The following PAPSS2 variants were observed in gnomAD, a reference collection of about 807,000 sequenced individuals.
The protein encoded by PAPSS2 is 3'-phosphoadenosine 5'-phosphosulfate synthase 2.
PAPSS2 carries 61 observed loss-of-function variants against 66.5 expected under a neutral mutation model. The observed-to-expected ratio is 0.92, with a 90% CI of 0.75 to 1.14. The LOEUF is 1.14. Ranked by LOEUF, PAPSS2 falls within the 50% of genes most tolerant of loss-of-function variation. The pLI is 0.00. For synonymous variants in PAPSS2, 289 were observed against 287.5 expected (o/e 1.01, Z -0.05); for missense variants, 708 against 789.6 (o/e 0.90, Z 1.24).
intron 7 of PAPSS2, among the ~76,000 whole-genome samples, chr10:87,721,477 G>A (rs893188132): frequency 6.6e-6 from 1 of 152,156 alleles, no homozygotes; most frequent in African/African-American, 2.4e-5. Flanking sequence ...TCTCTTCCCA[G>A]TGGATGGAAA....
chr10:87,734,189 CAGT>C (rs1351125050), intron 9 of PAPSS2, among the ~76,000 whole-genome samples: 1 of 152,162 alleles, frequency 6.6e-6, no homozygotes, highest in Non-Finnish European at 1.5e-5. Flanking sequence ...CTCCCTCGTC[CAGT>C]CCTTCCAGAG....
At chr10:87,721,391 CAT>C (rs1161227649) in intron 7 of PAPSS2, among the ~76,000 whole-genome samples, 1 of 152,094 alleles carries the variant, frequency 6.6e-6, no homozygotes, top group Non-Finnish European at 1.5e-5. Context: ...TGTGAGATCA[CAT>C]GTTTGCAAGA....
chr10:87,725,889 A>G (rs1399182565), intron 8 of PAPSS2, among the ~76,000 whole-genome samples: 15 of 149,744 alleles, frequency 1.0e-4, no homozygotes, highest in Non-Finnish European at 5.9e-5. Flanking sequence ...GTGTATACAC[A>G]CACACACACA....
At chr10:87,745,441 TTC>T (rs1388241635) in intron 12 of PAPSS2, among the ~76,000 whole-genome samples, 1 of 152,186 alleles carries the variant, frequency 6.6e-6, no homozygotes, top group Non-Finnish European at 1.5e-5. Flanking sequence ...CCATAAATAT[TTC>T]TCTTTCAACA....
At chr10:87,730,274 C>T (rs1319306584) in intron 9 of PAPSS2, among the ~76,000 whole-genome samples, 2 of 152,040 alleles carry the variant, frequency 1.3e-5, no homozygotes, top group East Asian at 1.9e-4. Flanking sequence ...TACTCCTTAC[C>T]CCGATGGGGT....
At chr10:87,699,730 ATC>A (rs1362175218) in intron 1 of PAPSS2, among the ~76,000 whole-genome samples, 1 of 151,714 alleles carries the variant, frequency 6.6e-6, no homozygotes, top group African/African-American at 2.4e-5. Context: ...TGCGCCTGTA[ATC>A]CCAGATACTC....
At chr10:87,744,101 CAA>C (rs60248954) in intron 11 of PAPSS2, among the ~76,000 whole-genome samples, 1 of 141,418 alleles carries the variant, frequency 7.1e-6, no homozygotes, top group Non-Finnish European at 1.6e-5. Flanking sequence ...GACTTCGTCT[CAA>C]AAAAAAAAAG....
chr10:87,739,963 A>C (rs1489834998), intron 9 of PAPSS2, among the ~76,000 whole-genome samples: 2 of 152,206 alleles, frequency 1.3e-5, no homozygotes, highest in Non-Finnish European at 2.9e-5. Context: ...ACCAATGTAC[A>C]ATGGTTGTCT....
At chr10:87,730,261 G>C (rs1853712743) in intron 9 of PAPSS2, among the ~76,000 whole-genome samples, 1 of 152,162 alleles carries the variant, frequency 6.6e-6, no homozygotes, top group Admixed American at 6.5e-5. Flanking sequence ...ATCACAGAGT[G>C]ATTACTCCTT....
intron 8 of PAPSS2, among the ~76,000 whole-genome samples, chr10:87,726,694 A>G (rs1439155800): frequency 6.6e-6 from 1 of 152,234 alleles, no homozygotes; most frequent in Admixed American, 6.5e-5. Flanking sequence ...AGTATTAAAA[A>G]AGACAAACAC....
chr10:87,714,068 C>T lies in PAPSS2; in HGVS notation c.406C>T (p.His136Tyr), dbSNP rs754074798. 9 of 1,613,892 alleles carry T rather than the reference C, an allele frequency of 5.6e-6. No individual in the cohort carries two copies. Among genetic ancestry groups the T allele is most frequent in the Admixed American group, 1.7e-5 (1 of 60,008 alleles). ...GGATCGTGAGAATGCCCGCAAAATA[C>T]ATGAATCAGCAGGGCTGCCATTCTT... ...AKDRENARKI[H>Y]ESAGLPFFEI... The change falls in exon 4 of 13, where the codon CAT becomes TAT. Residue 136 changes from histidine to tyrosine, a missense_variant. By Grantham distance (83) the His-to-Tyr change is moderately conservative (BLOSUM62 2). Coordinates refer to ENST00000456849, the MANE Select transcript of PAPSS2 (RefSeq NM_001015880.2).
chr10:87,713,106 T>G lies in PAPSS2; in HGVS notation c.177T>G (p.Ser59Arg). 1 of 1,612,876 alleles carries G rather than the reference T, an allele frequency of 6.2e-7. No individual in the cohort carries two copies. Among genetic ancestry groups the G allele is most frequent in the Non-Finnish European group, 8.5e-7 (1 of 1,179,288 alleles). Residue 59 changes from serine to arginine, a missense_variant, in exon 3 of 13, where the codon AGT (serine) becomes AGG (arginine). Ser to Arg is a moderately radical substitution (Grantham distance 110). Coordinates refer to ENST00000456849, the MANE Select transcript of PAPSS2 (RefSeq NM_001015880.2). Reference protein sequence around the residue: ...GLSGAGKTTISFALEEYLVSH... With the variant: ...GLSGAGKTTIRFALEEYLVSH... ...CTGGTGCTGGAAAAACAACGATAAGTTTTGCCCTGGAGGAGTACCTTGTCT... is the reference window on the plus strand; with the variant it reads ...CTGGTGCTGGAAAAACAACGATAAGGTTTGCCCTGGAGGAGTACCTTGTCT...
chr10:87,713,409 A>G (rs750922486), intron 3 of PAPSS2, 99 bp downstream of exon 3: 1 of 709,542 alleles, frequency 1.4e-6, no homozygotes, highest in Non-Finnish European at 2.4e-6. Context: ...GAGGGAGGGC[A>G]TAAGAATGTC....
rs149735994 is a variant in PAPSS2, at chr10:87,713,137, G to C, written c.208G>C (p.Ala70Pro). 9.9e-6 allele frequency: 16 copies of C among 1,613,086 alleles called. No individual in the cohort carries two copies. The highest frequency in any genetic ancestry group is 1.4e-5 in the Non-Finnish European group (16 of 1,179,734). Residue 70 changes from alanine to proline, a missense_variant, in exon 3 of 13, where the codon GCC (alanine) becomes CCC (proline). Coordinates refer to ENST00000456849, the MANE Select transcript of PAPSS2 (RefSeq NM_001015880.2). ...FALEEYLVSHAIPCYSLDGDN... is the reference protein window; with the variant it reads ...FALEEYLVSHPIPCYSLDGDN... ...CCTGGAGGAGTACCTTGTCTCCCAT[G>C]CCATCCCTTGTTACTCCCTGGATGG...
At chr10:87,715,621 A>G in intron 6 of PAPSS2, 111 bp from the exon 7 acceptor site, 2 of 730,376 alleles carry the variant, frequency 2.7e-6, no homozygotes. Flanking sequence ...TAAAACATAG[A>G]AGGTTCTGCC....
rs550622510 is a variant in PAPSS2, at chr10:87,660,267, C to T, written c.27+259C>T. The T allele has an allele frequency of 8.7e-5, 52 of 596,928 alleles. 1 individual carries two copies. Among genetic ancestry groups the T allele is most frequent in the Non-Finnish European group, 1.5e-4 (49 of 335,382 alleles). The allele number at this position is 596,928 out of a possible 1,614,324, so 37.0% of individuals were successfully genotyped here. A position where few individuals can be genotyped will look rare whatever the true frequency, so the allele number is the denominator to read the frequency against. ...GGGTCGCCGCGCCCGCGAGAGACCT[C>T]CCGAGCTTCTCAAGTGGGTCCGGAT... is the stretch of plus-strand genomic sequence containing the variant. On this transcript the variant is annotated intron_variant, in intron 1 of 12. Coordinates refer to ENST00000456849, the MANE Select transcript of PAPSS2 (RefSeq NM_001015880.2).
intron 10 of PAPSS2, 123 bp from the exon 11 acceptor site, chr10:87,743,250 A>C: frequency 9.0e-7 from 1 of 1,105,166 alleles, no homozygotes; most frequent in Non-Finnish European, 1.3e-6. Flanking sequence ...TTCAAAAAAA[A>C]AAAAAAAAGC....
intron 7 of PAPSS2, among the ~76,000 whole-genome samples, chr10:87,716,147 G>A (rs149968281): frequency 2.0e-4 from 31 of 152,264 alleles, no homozygotes; most frequent in East Asian, 3.9e-4. Flanking sequence ...AAGGTAGCAC[G>A]CAGAAGTACC....
chr10:87,724,760 C>G (rs1169418903), intron 8 of PAPSS2, among the ~76,000 whole-genome samples: 2 of 147,284 alleles, frequency 1.4e-5, no homozygotes, highest in Non-Finnish European at 3.0e-5. Flanking sequence ...TATAATATTT[C>G]TGATATATAT....
Sources: allele counts gnomAD v4.1 joint callset (sites outside exome capture counted in the v4.1 genomes callset), GRCh38; gene constraint gnomAD v4.1.1; transcripts MANE v1.5; gene names NCBI Gene and HGNC (gene_info 2026-07-23, HGNC 2026-07-21).